MYO9A: variants seen among roughly 807,000 people sequenced by gnomAD.
MYO9A encodes myosin IXA, also known as unconventional myosin-IXa.
In MYO9A, 103 loss-of-function variants were observed where a neutral mutation model predicts 293.3. That is an observed-to-expected ratio of 0.35 (90% CI 0.30 to 0.41). MYO9A has a LOEUF of 0.41. Ranked by LOEUF, MYO9A falls within the 10% of genes least tolerant of loss-of-function variation. The pLI is 1.00. For synonymous variants in MYO9A, 1,001 were observed against 1,035.7 expected, an observed-to-expected ratio of 0.97 and a Z score of 0.64; for missense variants, 2,685 against 3,033.0, an observed-to-expected ratio of 0.89 and a Z score of 2.69.
chr15:71,927,479 C>T (rs2058343511), intron 18 of MYO9A, among the ~76,000 whole-genome samples: 2 of 152,098 alleles, frequency 1.3e-5, no homozygotes, highest in African/African-American at 4.8e-5. Context: ...CTACAATTGT[C>T]CCTCAATATC....
At chr15:72,085,331 T>C (rs2079683211) in intron 1 of MYO9A, among the ~76,000 whole-genome samples, 1 of 151,228 alleles carries the variant, frequency 6.6e-6, no homozygotes, top group African/African-American at 2.4e-5. Flanking sequence ...AGGCAAATGT[T>C]GCAGTGAGCC....
At chr15:72,103,518 CAGAAGCAGTGGAA>C (rs2080460731) in intron 1 of MYO9A, among the ~76,000 whole-genome samples, 1 of 149,010 alleles carries the variant, frequency 6.7e-6, no homozygotes, top group South Asian at 2.1e-4. Context: ...GCAGAAGCAG[CAGAAGCAGTGGAA>C]GCAGAAGCAG....
At chr15:71,955,018 A>G (rs2059145570) in intron 14 of MYO9A, among the ~76,000 whole-genome samples, 1 of 152,220 alleles carries the variant, frequency 6.6e-6, no homozygotes, top group African/African-American at 2.4e-5. Flanking sequence ...ATCAAGATAG[A>G]GAACATTTCT....
intron 11 of MYO9A, among the ~76,000 whole-genome samples, chr15:71,987,773 C>T (rs916928519): frequency 1.3e-5 from 2 of 152,088 alleles, no homozygotes; most frequent in Non-Finnish European, 1.5e-5. Context: ...AAAATTTTAA[C>T]CTTAACTTAT....
In MYO9A at chr15:71,990,610, G is replaced by A. The variant is rs1009166736; in HGVS notation, c.1722+493C>T. Among the ~76,000 whole-genome samples, 37 of 151,956 alleles carry A rather than the reference G, an allele frequency of 2.4e-4. 1 individual carries two copies. Among genetic ancestry groups the A allele is most frequent in the Admixed American group, 2.4e-3 (36 of 15,260 alleles). On this transcript the variant is annotated intron_variant, in intron 11 of 41. Transcript: ENST00000356056. Reference sequence around the variant, plus strand: ...CTCTACTAAAAATACAAAAAAATTAGCCGGGCATGGTGGCGGGCACCTGTA... The same window carrying A: ...CTCTACTAAAAATACAAAAAAATTAACCGGGCATGGTGGCGGGCACCTGTA...
chr15:71,889,277 G>T (rs2057108523), intron 26 of MYO9A, among the ~76,000 whole-genome samples: 1 of 151,960 alleles, frequency 6.6e-6, no homozygotes, highest in South Asian at 2.1e-4. Context: ...AGGATTAAAG[G>T]TAATTGAGCC....
Position 72,045,973 on chromosome 15 carries a change from G to C in MYO9A, c.591C>G (p.Pro197=). ...GGTTATCATACATTTTGACATATTT[G>C]GGGTTATAAATAGGAAGAAACTTGA... ...NPFKFLPIYN[P]KYVKMYDNHQ... The change falls in exon 2 of 42, where the codon CCC becomes CCG. Residue 197 remains proline, a synonymous_variant. Transcript: ENST00000356056. 6.2e-7 allele frequency: 1 copy of C among 1,614,096 alleles called. No homozygotes were observed. Among genetic ancestry groups the C allele is most frequent in the East Asian group, 2.2e-5 (1 of 44,878 alleles).
Position 72,068,369 on chromosome 15 carries a change from TAAGA to T in MYO9A, c.-71-21739_-71-21736del, listed in dbSNP as rs1373308274. Among the ~76,000 whole-genome samples the T allele has an allele frequency of 4.6e-5, 7 of 152,318 alleles. No homozygotes were observed. In the South Asian group the frequency reaches 6.2e-4, roughly 14 times the overall value. On this transcript the variant is annotated intron_variant, in intron 1 of 41. Coordinates refer to ENST00000356056, the MANE Select transcript of MYO9A (RefSeq NM_006901.4). ...GCTTTATATGTATTACTTCATTTAA[TAAGA>T]AATATGTGATATTATACCCATTTCT...
intron 19 of MYO9A, among the ~76,000 whole-genome samples, chr15:71,907,443 C>A (rs1327910756): frequency 7.4e-6 from 1 of 134,298 alleles, no homozygotes; most frequent in East Asian, 2.1e-4. Context: ...ATTTATAGTC[C>A]TTTGGGTATA....
At chr15:71,885,698 T>C (rs1191521645) in intron 27 of MYO9A, among the ~76,000 whole-genome samples, 1 of 152,164 alleles carries the variant, frequency 6.6e-6, no homozygotes, top group African/African-American at 2.4e-5. Context: ...GGGCACTCAG[T>C]GGCGTCTTCA....
chr15:72,107,618 A>C (rs1365194000), intron 1 of MYO9A, among the ~76,000 whole-genome samples: 3 of 151,996 alleles, frequency 2.0e-5, no homozygotes, highest in Non-Finnish European at 4.4e-5. Flanking sequence ...CTGTAAGAAG[A>C]CAAAGCTTCT....
chr15:71,831,669 A>C (rs2054732688), intron 39 of MYO9A, among the ~76,000 whole-genome samples: 1 of 152,240 alleles, frequency 6.6e-6, no homozygotes, highest in Admixed American at 6.5e-5. Context: ...AGGCAGAAAA[A>C]AATGAAAACA....
At chr15:72,115,035 C>T (rs1459944055) in intron 1 of MYO9A, among the ~76,000 whole-genome samples, 1 of 152,006 alleles carries the variant, frequency 6.6e-6, no homozygotes, top group African/African-American at 2.4e-5. Flanking sequence ...CTAAGTTTAC[C>T]CAATTTCCCT....
rs3028363 is a variant in MYO9A, at chr15:72,108,762, A to ATTTTTTTT, written c.-72+8910_-72+8917dup. On this transcript the variant is annotated intron_variant, in intron 1 of 41. Transcript: ENST00000356056. ...GCAGTAAACTTGTCATGACACATAC[A>ATTTTTTTT]TTTTTTTTTTTTTTTTTGAGACAGA... Among the ~76,000 whole-genome samples, 15 of 139,242 alleles carry ATTTTTTTT rather than the reference A, an allele frequency of 1.1e-4. 7 individuals carry two copies. The highest frequency in any genetic ancestry group is 1.3e-4 in the African/African-American group (5 of 37,374). 91.3% of individuals were successfully genotyped at this position (139,242 alleles called of 152,430 possible).
intron 1 of MYO9A, among the ~76,000 whole-genome samples, chr15:72,077,752 A>AAAATAT (rs2079412621): frequency 1.4e-5 from 1 of 72,492 alleles, no homozygotes; most frequent in African/African-American, 7.8e-5. Context: ...AAAAAAAAAA[A>AAAATAT]ATATATATAT....
chr15:72,048,131 G>A (rs550977990), intron 1 of MYO9A, among the ~76,000 whole-genome samples: 3 of 152,150 alleles, frequency 2.0e-5, no homozygotes, highest in Non-Finnish European at 4.4e-5. Context: ...CAGGAGTGGT[G>A]GCTCATATCT....
chr15:71,944,346 C>T (rs994263584), intron 15 of MYO9A, among the ~76,000 whole-genome samples: 1 of 152,060 alleles, frequency 6.6e-6, no homozygotes, highest in Non-Finnish European at 1.5e-5. Flanking sequence ...TTCAAATTGG[C>T]TAACTTTACC....
At chr15:72,073,230 T>G (rs2150211223) in intron 1 of MYO9A, among the ~76,000 whole-genome samples, 1 of 152,340 alleles carries the variant, frequency 6.6e-6, no homozygotes, top group Middle Eastern at 3.4e-3. Context: ...TAAATATCAT[T>G]AAGACTCAGA....
chr15:72,103,208 AAGCAGC>A (rs1350929140), intron 1 of MYO9A, among the ~76,000 whole-genome samples: 2 of 151,264 alleles, frequency 1.3e-5, no homozygotes, highest in Non-Finnish European at 3.0e-5. Flanking sequence ...GAAAAAAAAA[AAGCAGC>A]AGCAGAAGCA....
Sources: gnomAD v4.1 joint callset for allele counts (sites outside exome capture counted in the v4.1 genomes callset) on GRCh38, gnomAD v4.1.1 for gene constraint, MANE v1.5 for transcripts, NCBI Gene and HGNC (gene_info 2026-07-23, HGNC 2026-07-21) for gene names.